The following SEMA3A variants were observed in gnomAD, a reference collection of about 807,000 sequenced individuals.
The protein encoded by SEMA3A is semaphorin 3A, also known as semaphorin-3A.
Under a neutral mutation model 97.9 loss-of-function variants are expected in SEMA3A, and 29 were observed. The observed-to-expected ratio is 0.30, with a 90% CI of 0.22 to 0.40. The LOEUF (loss-of-function observed/expected upper bound fraction) is 0.40, where lower values mean the gene tolerates loss of function less well. SEMA3A is among the 10% of genes least tolerant of loss of function. The pLI, the probability that SEMA3A is intolerant of heterozygous loss-of-function variation, is 1.00. For synonymous variants in SEMA3A, 321 were observed against 323.7 expected, an observed-to-expected ratio of 0.99 and a Z score of 0.09; for missense variants, 763 against 951.3, an observed-to-expected ratio of 0.80 and a Z score of 2.60.
At chr7:84,398,523 T>G (rs1189892632) in intron 1 of SEMA3A, among the ~76,000 whole-genome samples, 1 of 152,192 alleles carries the variant, frequency 6.6e-6, no homozygotes, top group East Asian at 1.9e-4. Context: ...TTTGGGAAGC[T>G]GAGGCAGAAG....
At chr7:84,054,101 TC>T (rs1792824838) in intron 5 of SEMA3A, among the ~76,000 whole-genome samples, 1 of 151,872 alleles carries the variant, frequency 6.6e-6, no homozygotes, top group South Asian at 2.1e-4. Flanking sequence ...CTGATGGGCT[TC>T]CCTTTGAGGG....
intron 1 of SEMA3A, among the ~76,000 whole-genome samples, chr7:84,377,239 A>T (rs548362922): frequency 8.0e-4 from 117 of 147,046 alleles, no homozygotes; most frequent in Non-Finnish European, 4.0e-4. Flanking sequence ...CTGCTTGTGG[A>T]TATCTATTTT....
intron 2 of SEMA3A, among the ~76,000 whole-genome samples, chr7:84,357,797 G>A (rs1413723192): frequency 1.3e-5 from 2 of 151,762 alleles, no homozygotes; most frequent in African/African-American, 2.4e-5. Context: ...TCCAGCACCT[G>A]TTGTTTCCTG....
chr7:83,967,351 C>T (rs974999684), intron 15 of SEMA3A, among the ~76,000 whole-genome samples: 12 of 152,182 alleles, frequency 7.9e-5, no homozygotes, highest in Non-Finnish European at 1.6e-4. Context: ...CTATCTCCCT[C>T]CAGCCCCCTT....
intron 3 of SEMA3A, among the ~76,000 whole-genome samples, chr7:84,120,071 CTG>C (rs1464790246): frequency 2.0e-5 from 3 of 150,172 alleles, no homozygotes; most frequent in Non-Finnish European, 4.4e-5. Flanking sequence ...TATAAAATGT[CTG>C]TATTTCAAAT....
At chr7:84,335,532 A>G (rs1802015924) in intron 2 of SEMA3A, among the ~76,000 whole-genome samples, 1 of 152,176 alleles carries the variant, frequency 6.6e-6, no homozygotes, top group Non-Finnish European at 1.5e-5. Flanking sequence ...CAATATGTTT[A>G]GTTTTCGCTG....
intron 4 of SEMA3A, among the ~76,000 whole-genome samples, chr7:84,087,828 C>A (rs183748090): frequency 1.3e-5 from 2 of 152,204 alleles, no homozygotes; most frequent in East Asian, 3.9e-4. Context: ...GCATTTTATT[C>A]TTTTACTATT....
intron 3 of SEMA3A, among the ~76,000 whole-genome samples, chr7:84,222,883 C>T (rs924557304): frequency 1.3e-5 from 2 of 151,824 alleles, no homozygotes; most frequent in Non-Finnish European, 2.9e-5. Context: ...TAGAAACTTG[C>T]TCATTCAGGA....
chr7:84,341,233 A>G (rs1802160405), intron 2 of SEMA3A, among the ~76,000 whole-genome samples: 1 of 152,236 alleles, frequency 6.6e-6, no homozygotes, highest in Non-Finnish European at 1.5e-5. Context: ...TCCGGCTGTT[A>G]GCATGAGAGT....
chr7:84,249,412 T>TATC (rs1799554815), intron 3 of SEMA3A, among the ~76,000 whole-genome samples: 2 of 151,188 alleles, frequency 1.3e-5, no homozygotes, highest in African/African-American at 4.9e-5. Context: ...TCTATCTATC[T>TATC]ATCTATCATC....
chr7:83,994,582 G>A (rs1471894364), intron 12 of SEMA3A, among the ~76,000 whole-genome samples: 9 of 142,162 alleles, frequency 6.3e-5, no homozygotes, highest in Admixed American at 2.9e-4. Context: ...GCCGTGTGAG[G>A]TGTTAGTGTG....
intron 4 of SEMA3A, among the ~76,000 whole-genome samples, chr7:84,103,777 A>G (rs1351044785): frequency 6.6e-6 from 1 of 152,174 alleles, no homozygotes; most frequent in Non-Finnish European, 1.5e-5. Context: ...GAGAGGTAAA[A>G]GAAGGATTAT....
chr7:84,036,156 T>C lies in SEMA3A; in HGVS notation c.667+10168A>G, dbSNP rs111649129. The stretch of plus-strand genomic sequence containing the variant: ...CCTGAAAATCAATGGAATCCAAAAA[T>C]TTGTTTAATCTAAAGGGAGATGGAT... On this transcript the variant is annotated intron_variant, in intron 6 of 16. Coordinates refer to ENST00000265362, the MANE Select transcript of SEMA3A (RefSeq NM_006080.3). 3.3e-5 allele frequency among the ~76,000 whole-genome samples: 5 copies of C among 152,174 alleles called. 1 individual carries two copies. Among genetic ancestry groups the C allele is most frequent in the African/African-American group, 1.2e-4 (5 of 41,554 alleles).
At chr7:84,224,666 C>T (rs758805202) in intron 3 of SEMA3A, among the ~76,000 whole-genome samples, 1 of 152,036 alleles carries the variant, frequency 6.6e-6, no homozygotes, top group African/African-American at 2.4e-5. Context: ...AGATTTAAGA[C>T]ACCTTGAGCA....
intron 3 of SEMA3A, among the ~76,000 whole-genome samples, chr7:84,270,588 AAAT>A (rs1170476087): frequency 1.4e-5 from 2 of 147,700 alleles, no homozygotes; most frequent in Non-Finnish European, 3.0e-5. Context: ...ATAAATATAT[AAAT>A]AATTATTTAT....
chr7:84,241,527 C>A (rs1054540720), intron 3 of SEMA3A, among the ~76,000 whole-genome samples: 3 of 151,764 alleles, frequency 2.0e-5, no homozygotes, highest in African/African-American at 7.3e-5. Flanking sequence ...ATGGATAGAT[C>A]GCAAAAATTT....
chr7:84,071,056 C>G (rs998455535), intron 4 of SEMA3A, among the ~76,000 whole-genome samples: 1 of 151,990 alleles, frequency 6.6e-6, no homozygotes, highest in Non-Finnish European at 1.5e-5. Context: ...CAAATTTATC[C>G]ATAATTTACT....
At chr7:84,282,626 T>A (rs1174490975) in intron 3 of SEMA3A, among the ~76,000 whole-genome samples, 1 of 152,090 alleles carries the variant, frequency 6.6e-6, no homozygotes, top group African/African-American at 2.4e-5. Context: ...AAAAAATATT[T>A]TCATTTCTGT....
At chr7:84,022,453 A>C (rs1182120139) in intron 6 of SEMA3A, among the ~76,000 whole-genome samples, 1 of 152,210 alleles carries the variant, frequency 6.6e-6, no homozygotes, top group Non-Finnish European at 1.5e-5. Context: ...CTGCAGATAG[A>C]AATTATTGAT....
Sources: allele counts gnomAD v4.1 joint callset (sites outside exome capture counted in the v4.1 genomes callset), GRCh38; gene constraint gnomAD v4.1.1; transcripts MANE v1.5; gene names NCBI Gene and HGNC (gene_info 2026-07-23, HGNC 2026-07-21).